The following PPP1R3E variants were observed in gnomAD, a reference collection of about 807,000 sequenced individuals.
PPP1R3E encodes the protein protein phosphatase 1 regulatory subunit 3E, also known as protein phosphatase 1, regulatory (inhibitor) subunit 3E.
PPP1R3E carries 20 observed loss-of-function variants against 18.5 expected under a neutral mutation model. That is an observed-to-expected ratio of 1.08 (90% CI 0.76 to 1.58). The LOEUF is 1.58. Ranked by LOEUF, PPP1R3E falls within the 40% of genes most tolerant of loss-of-function variation. The pLI is 0.00. For missense variants in PPP1R3E, 498 were observed against 460.2 expected (o/e 1.08, Z -0.75); for synonymous variants, 208 against 208.1 (o/e 1.00, Z 0.00).
intron 4 of PPP1R3E, 46 bp from the exon 5 acceptor site, chr14:23,298,963 C>T (rs1886949851): frequency 1.3e-5 from 2 of 154,392 alleles, no homozygotes; most frequent in African/African-American, 4.8e-5. Context: ...GCCTCATACT[C>T]TATTCTTTTT....
intron 2 of PPP1R3E, 188 bp from the exon 3 acceptor site, chr14:23,301,052 G>C (rs1411506725): frequency 5.0e-6 from 1 of 200,718 alleles, no homozygotes; most frequent in Non-Finnish European, 1.0e-5. Context: ...AACCGCCTAG[G>C]CCTGATGGAC....
rs981227894 is a variant in PPP1R3E, at chr14:23,301,393, G to C, written c.*43C>G. 6.1e-5 allele frequency: 80 copies of C among 1,321,296 alleles called. No homozygotes were observed. In the Admixed American group the frequency reaches 1.3e-3, roughly 21 times the overall value. The allele number at this position is 1,321,296 out of a possible 1,614,324, so 81.8% of individuals were successfully genotyped here. On this transcript the variant is annotated 3_prime_UTR_variant, in exon 2 of 5. Transcript: ENST00000452015. ...GCCACATCGGGTCGCCCCGCCCCCGGGTGCCTTTGGTGTTTTCCGCCGTCG... is the reference window on the plus strand; with the variant it reads ...GCCACATCGGGTCGCCCCGCCCCCGCGTGCCTTTGGTGTTTTCCGCCGTCG...
chr14:23,297,092 T>C lies in PPP1R3E; in HGVS notation c.*2212A>G, dbSNP rs987037821. 1 of 152,258 alleles carries C rather than the reference T, an allele frequency of 6.6e-6. No individual in the cohort carries two copies. Among genetic ancestry groups the C allele is most frequent in the Admixed American group, 6.5e-5 (1 of 15,286 alleles). The allele number at this position is 152,258 out of a possible 1,614,324, so 9.4% of individuals were successfully genotyped here. On this transcript the variant is annotated 3_prime_UTR_variant, in exon 5 of 5. Transcript: ENST00000452015. ...GGGTTGCCTCAGGGACCCAAGCCTA[T>C]GACCCAGGTAGTGTTTTCTCTCACG...
Position 23,302,357 on chromosome 14 carries a change from C to A in PPP1R3E, c.220G>T (p.Ala74Ser), listed in dbSNP as rs2138412595. The change falls in exon 1 of 5, where the codon GCC becomes TCC. Residue 74 changes from alanine to serine, a missense_variant. Coordinates refer to ENST00000452015, the MANE Select transcript of PPP1R3E (RefSeq NM_001276318.2). Reference protein sequence around the residue: ...ARSAPAGGGGARAPRSRSPDT... With the variant: ...ARSAPAGGGGSRAPRSRSPDT... Reference sequence around the variant, plus strand: ...GGGCTACGGCTGCGGGGCGCCCGGGCCCCGCCGCCTCCGGCTGGTGCAGAT... The same window carrying A: ...GGGCTACGGCTGCGGGGCGCCCGGGACCCGCCGCCTCCGGCTGGTGCAGAT... The A allele has an allele frequency of 6.7e-7, 1 of 1,499,190 alleles. No individual in the cohort carries two copies. Among genetic ancestry groups the A allele is most frequent in the Non-Finnish European group, 8.8e-7 (1 of 1,134,348 alleles). The allele number at this position is 1,499,190 out of a possible 1,614,324, so 92.9% of individuals were successfully genotyped here. A position where few individuals can be genotyped will look rare whatever the true frequency, so the allele number is the denominator to read the frequency against.
Position 23,302,714 on chromosome 14 carries a change from A to T in PPP1R3E, c.-138T>A. 1 of 868,962 alleles carries T rather than the reference A, an allele frequency of 1.2e-6. No individual in the cohort carries two copies. The highest frequency in any genetic ancestry group is 1.6e-6 in the Non-Finnish European group (1 of 609,880). The allele number at this position is 868,962 out of a possible 1,614,324, so 53.8% of individuals were successfully genotyped here. A position where few individuals can be genotyped will look rare whatever the true frequency, so the allele number is the denominator to read the frequency against. On this transcript the variant is annotated 5_prime_UTR_variant, in exon 1 of 5. Transcript: ENST00000452015. ...CCTCGCTGCTGTGTATTCTCCTTGC[A>T]GACACCTCCAGGATCCTCCACCTCC...
chr14:23,301,773 T>C lies in PPP1R3E; in HGVS notation c.503A>G (p.Glu168Gly). 6.9e-7 allele frequency: 1 copy of C among 1,439,950 alleles called. No individual in the cohort carries two copies. The highest frequency in any genetic ancestry group is 9.1e-7 in the Non-Finnish European group (1 of 1,101,550). 89.2% of individuals were successfully genotyped at this position (1,439,950 alleles called of 1,614,324 possible). A position where few individuals can be genotyped will look rare whatever the true frequency, so the allele number is the denominator to read the frequency against. ...LTQRICLERA[E>G]AGPLGVAGSA... ...CCCGGCCACGCCCAGCGGGCCCGCC[T>C]CGGCGCGTTCCAGGCAGATGCGCTG... The change falls in exon 2 of 5, where the codon GAG becomes GGG. Residue 168 changes from glutamate (E) to glycine (G), a missense_variant. Coordinates refer to ENST00000452015, the MANE Select transcript of PPP1R3E (RefSeq NM_001276318.2).
At position 23,296,812 on chromosome 14, in the gene PPP1R3E, A is replaced by T. The variant is rs1886892830; in HGVS notation, c.*2492T>A. On this transcript the variant is annotated 3_prime_UTR_variant, in exon 5 of 5. Transcript: ENST00000452015. ...CCAGGAACCAATGACGTCGGAAGAG[A>T]AGCCTTTTCATGTCTGATTCTATGA... is the stretch of plus-strand genomic sequence containing the variant. 1 of 152,222 alleles carries T rather than the reference A, an allele frequency of 6.6e-6. No individual in the cohort carries two copies. Among genetic ancestry groups the T allele is most frequent in the Non-Finnish European group, 1.5e-5 (1 of 68,058 alleles). 9.4% of individuals were successfully genotyped at this position (152,222 alleles called of 1,614,324 possible).
At position 23,302,364 on chromosome 14, in the gene PPP1R3E, G is replaced by A. The variant is rs1594974979; in HGVS notation, c.213C>T (p.Gly71=). 9.3e-6 allele frequency: 14 copies of A among 1,498,056 alleles called. No individual in the cohort carries two copies. The highest frequency in any genetic ancestry group is 1.2e-5 in the Non-Finnish European group (14 of 1,133,868). The allele number at this position is 1,498,056 out of a possible 1,614,324, so 92.8% of individuals were successfully genotyped here. The change falls in exon 1 of 5, where the codon GGC becomes GGT. Residue 71 remains glycine (G), a synonymous_variant. Transcript: ENST00000452015. ...GRRARSAPAG[G]GGARAPRSRS... ...GGCTGCGGGGCGCCCGGGCCCCGCC[G>A]CCTCCGGCTGGTGCAGATCGGGCCC...
At chr14:23,301,894 G>A (rs1486483592) in intron 1 of PPP1R3E, 36 bp from the exon 2 acceptor site, 1 of 1,409,894 alleles carries the variant, frequency 7.1e-7, no homozygotes, top group African/African-American at 1.5e-5. Context: ...GGGAGCCCAG[G>A]GCGGAGAGAG....
rs933576557 is a variant in PPP1R3E at position 23,301,284 on chromosome 14, C to T, written c.*138+14G>A. ...CCCCACGCCCCCACGCCCCCACGCC[C>T]CTGATTTCCCCACCCTTTTCGCCCT... On this transcript the variant is annotated intron_variant, in intron 2 of 4. Transcript: ENST00000452015. 1.6e-4 allele frequency: 70 copies of T among 442,270 alleles called. No homozygotes were observed. Among genetic ancestry groups the T allele is most frequent in the Non-Finnish European group, 2.2e-4 (68 of 305,142 alleles). 27.4% of individuals were successfully genotyped at this position (442,270 alleles called of 1,614,324 possible).
At chr14:23,299,975 C>T (rs1467222506) in intron 3 of PPP1R3E, 10 of 91,808 alleles carry the variant, frequency 1.1e-4, no homozygotes. Flanking sequence ...GATTGAAATG[C>T]TTTGATTCTT....
chr14:23,300,176 C>A (rs58682768), intron 3 of PPP1R3E: 11,109 of 152,126 alleles, frequency 0.073, 1,361 homozygotes, highest in African/African-American at 0.25. Context: ...AGAGGATAGG[C>A]TGTGGTTTGG....
In PPP1R3E at chr14:23,301,578, G is replaced by T. The variant is rs1887038175; in HGVS notation, c.698C>A (p.Ala233Asp). Residue 233 changes from alanine (A) to aspartate (D), a missense_variant, in exon 2 of 5, where the codon GCC becomes GAC. Coordinates refer to ENST00000452015, the MANE Select transcript of PPP1R3E (RefSeq NM_001276318.2). ...ACGGTAGCGCAAGGCGAAGAGCAGG[G>T]CGCCCCCAATCGGCGGCGCGGGCAG... ...FRLPAPPIGG[A>D]LLFALRYRVT... 4 of 1,456,296 alleles carry T rather than the reference G, an allele frequency of 2.7e-6. No homozygotes were observed. Among genetic ancestry groups the T allele is most frequent in the African/African-American group, 1.5e-5 (1 of 68,366 alleles). 90.2% of individuals were successfully genotyped at this position (1,456,296 alleles called of 1,614,324 possible).
intron 4 of PPP1R3E, among the ~76,000 whole-genome samples, 188 bp from the exon 5 acceptor site, chr14:23,299,105 A>G (rs1264578335): frequency 2.0e-5 from 3 of 152,176 alleles, no homozygotes; most frequent in African/African-American, 7.2e-5. Context: ...AGCTGGGACT[A>G]CAGGCATGAA....
chr14:23,302,569 C>G lies in PPP1R3E; in HGVS notation c.8G>C (p.Arg3Pro), dbSNP rs924655652. Residue 3 changes from arginine to proline, a missense_variant, in exon 1 of 5, where the codon CGT (arginine) becomes CCT (proline). Arg to Pro is a moderately radical substitution (Grantham distance 103). Transcript: ENST00000452015. Reference sequence around the variant, plus strand: ...AATGTCGGTGCCCGGGGGCCGCTCACGGGACATGGCAGCCCCTTCCCCGGC... The same window carrying G: ...AATGTCGGTGCCCGGGGGCCGCTCAGGGGACATGGCAGCCCCTTCCCCGGC... MS[R>P]ERPPGTDIPR... The G allele has an allele frequency of 6.9e-7, 1 of 1,458,800 alleles. No homozygotes were observed. Among genetic ancestry groups the G allele is most frequent in the African/African-American group, 1.5e-5 (1 of 67,518 alleles). 90.4% of individuals were successfully genotyped at this position (1,458,800 alleles called of 1,614,324 possible).
In PPP1R3E at chr14:23,299,927, GTTTTTT is replaced by G. The variant is rs3079707; in HGVS notation, c.*246-392_*246-387del. Among the ~76,000 whole-genome samples, 162 of 100,786 alleles carry G rather than the reference GTTTTTT, an allele frequency of 1.6e-3. 1 individual carries two copies. The highest frequency in any genetic ancestry group is 8.1e-3 in the Middle Eastern group (1 of 124). The allele number at this position is 100,786 out of a possible 152,430, so 66.1% of individuals were successfully genotyped here. On this transcript the variant is annotated intron_variant, in intron 3 of 4. Coordinates refer to ENST00000452015, the MANE Select transcript of PPP1R3E (RefSeq NM_001276318.2). Reference sequence around the variant, plus strand: ...GTTGCTTTGGTGTTTTTTTGTTTTTGTTTTTTTTTTTTTTTTTTTTTTACAACCAAG... The same window carrying G: ...GTTGCTTTGGTGTTTTTTTGTTTTTGTTTTTTTTTTTTTTTTACAACCAAG...
chr14:23,301,979 A>G, intron 1 of PPP1R3E, 121 bp from the exon 2 acceptor site: 1 of 1,259,438 alleles, frequency 7.9e-7, no homozygotes, highest in Non-Finnish European at 1.0e-6. Context: ...AGGCCGGCAG[A>G]GTGCGGCCCA....
rs773584875 is a variant in PPP1R3E, at chr14:23,296,805, G to A, written c.*2499C>T. On this transcript the variant is annotated 3_prime_UTR_variant, in exon 5 of 5. Coordinates refer to ENST00000452015, the MANE Select transcript of PPP1R3E (RefSeq NM_001276318.2). ...AAAGGAGCCAGGAACCAATGACGTC[G>A]GAAGAGAAGCCTTTTCATGTCTGAT... 8.5e-5 allele frequency: 13 copies of A among 152,180 alleles called. No homozygotes were observed. The highest frequency in any genetic ancestry group is 1.3e-4 in the Non-Finnish European group (9 of 68,056). The allele number at this position is 152,180 out of a possible 1,614,324, so 9.4% of individuals were successfully genotyped here. A position where few individuals can be genotyped will look rare whatever the true frequency, so the allele number is the denominator to read the frequency against.
chr14:23,301,644 G>A lies in PPP1R3E; in HGVS notation c.632C>T (p.Pro211Leu), dbSNP rs1486268871. 3 of 1,343,356 alleles carry A rather than the reference G, an allele frequency of 2.2e-6. No individual in the cohort carries two copies. Among genetic ancestry groups the A allele is most frequent in the East Asian group, 3.1e-5 (1 of 32,248 alleles). The allele number at this position is 1,343,356 out of a possible 1,614,324, so 83.2% of individuals were successfully genotyped here. Residue 211 changes from proline (P) to leucine (L), a missense_variant, in exon 2 of 5, where the codon CCG becomes CTG. Coordinates refer to ENST00000452015, the MANE Select transcript of PPP1R3E (RefSeq NM_001276318.2). ...QREAPAAYAG[P>L]APPPPRADRF... ...GTCGGCGCGCGGCGGGGGCGGGGCC[G>A]GACCGGCGTAGGCGGCTGGCGCCTC...
Sources: allele counts gnomAD v4.1 joint callset (sites outside exome capture counted in the v4.1 genomes callset), GRCh38; gene constraint gnomAD v4.1.1; transcripts MANE v1.5; gene names NCBI Gene and HGNC (gene_info 2026-07-23, HGNC 2026-07-21).